Variants in KCNB2 observed in about 807,000 individuals in gnomAD.
KCNB2 encodes delayed rectifier potassium channel protein.
A neutral mutation model predicts 61.5 loss-of-function variants in KCNB2; 15 were observed. The observed-to-expected ratio is 0.24, with a 90% CI of 0.16 to 0.38. KCNB2 has a LOEUF of 0.38. Ranked by LOEUF, KCNB2 falls within the 10% of genes least tolerant of loss-of-function variation. The pLI is 1.00. For synonymous variants in KCNB2, 457 were observed against 446.0 expected (o/e 1.02, Z -0.31); for missense variants, 828 against 1,125.2 (o/e 0.74, Z 3.78).
rs377106789 is a variant in KCNB2 at position 72,794,426 on chromosome 8, G to A, written c.580-141509G>A. On this transcript the variant is annotated intron_variant, in intron 2 of 2. Transcript: ENST00000523207. ...CTAAAATACAAAAAATTAGCCGGGCGTGGTGGCACGTGCCTGTAATCCCAG... is the reference window on the plus strand; with the variant it reads ...CTAAAATACAAAAAATTAGCCGGGCATGGTGGCACGTGCCTGTAATCCCAG... Among the ~76,000 whole-genome samples the A allele has an allele frequency of 6.8e-4, 103 of 151,940 alleles. 1 individual carries two copies. Among genetic ancestry groups the A allele is most frequent in the South Asian group, 1.5e-3 (7 of 4,796 alleles).
intron 2 of KCNB2, among the ~76,000 whole-genome samples, chr8:72,714,337 C>T (rs2128992116): frequency 6.6e-6 from 1 of 152,024 alleles, no homozygotes; most frequent in Admixed American, 6.6e-5. Context: ...TCGAGAAGAG[C>T]AACTCCAAGA....
intron 2 of KCNB2, among the ~76,000 whole-genome samples, chr8:72,871,402 T>C (rs551248990): frequency 6.6e-6 from 1 of 152,170 alleles, no homozygotes; most frequent in Admixed American, 6.6e-5. Flanking sequence ...GTGAAAAGCA[T>C]TATAAAGACA....
At chr8:72,596,777 A>G (rs1272928717) in intron 2 of KCNB2, among the ~76,000 whole-genome samples, 1 of 152,192 alleles carries the variant, frequency 6.6e-6, no homozygotes, top group African/African-American at 2.4e-5. Context: ...GGGCTAAAAA[A>G]TCATCTTCCA....
At chr8:72,804,996 T>C (rs1283604185) in intron 2 of KCNB2, among the ~76,000 whole-genome samples, 1 of 152,140 alleles carries the variant, frequency 6.6e-6, no homozygotes, top group African/African-American at 2.4e-5. Context: ...AGATGAGACA[T>C]GGCTGCGACT....
chr8:72,752,752 T>C (rs1041066067), intron 2 of KCNB2, among the ~76,000 whole-genome samples: 2 of 152,194 alleles, frequency 1.3e-5, no homozygotes, highest in Non-Finnish European at 2.9e-5. Flanking sequence ...ATTGGTCTGC[T>C]CTCTGGAGAA....
intron 2 of KCNB2, among the ~76,000 whole-genome samples, chr8:72,611,007 C>T (rs920372913): frequency 6.6e-6 from 1 of 152,082 alleles, no homozygotes; most frequent in African/African-American, 2.4e-5. Flanking sequence ...TTATCACTGA[C>T]CTGATGAAAA....
intron 2 of KCNB2, among the ~76,000 whole-genome samples, chr8:72,641,498 C>A (rs1242536852): frequency 6.6e-6 from 1 of 152,074 alleles, no homozygotes; most frequent in East Asian, 1.9e-4. Flanking sequence ...ACTAAGGCTT[C>A]CAGTCCTTTT....
intron 2 of KCNB2, among the ~76,000 whole-genome samples, chr8:72,778,592 G>A (rs926629956): frequency 1.3e-5 from 2 of 151,154 alleles, no homozygotes; most frequent in East Asian, 3.9e-4. Flanking sequence ...AAAATTTACT[G>A]GGTGTGATGG....
chr8:72,789,639 T>C (rs574814484), intron 2 of KCNB2, among the ~76,000 whole-genome samples: 1 of 152,116 alleles, frequency 6.6e-6, no homozygotes, highest in Non-Finnish European at 1.5e-5. Flanking sequence ...GAGAGGACCA[T>C]GCTTTATCCT....
chr8:72,615,931 A>G (rs1452266922), intron 2 of KCNB2, among the ~76,000 whole-genome samples: 2 of 152,208 alleles, frequency 1.3e-5, no homozygotes, highest in Non-Finnish European at 2.9e-5. Context: ...TGAACAAAAG[A>G]TAATTTAAGT....
chr8:72,573,842 G>A (rs958333236), intron 2 of KCNB2, among the ~76,000 whole-genome samples: 1 of 152,166 alleles, frequency 6.6e-6, no homozygotes, highest in African/African-American at 2.4e-5. Context: ...ATTCTTATCT[G>A]CAGTGGGCTA....
intron 2 of KCNB2, among the ~76,000 whole-genome samples, chr8:72,635,019 A>G (rs1337970615): frequency 6.6e-6 from 1 of 152,176 alleles, no homozygotes; most frequent in Non-Finnish European, 1.5e-5. Flanking sequence ...AAATTTTAGC[A>G]TTTGTGTAAC....
chr8:72,855,334 A>G (rs1810189745), intron 2 of KCNB2, among the ~76,000 whole-genome samples: 1 of 152,122 alleles, frequency 6.6e-6, no homozygotes, highest in Non-Finnish European at 1.5e-5. Flanking sequence ...TTCCTGTATC[A>G]TTAAATCTGA....
intron 2 of KCNB2, among the ~76,000 whole-genome samples, chr8:72,572,376 C>T (rs1806723991): frequency 6.6e-6 from 1 of 152,150 alleles, no homozygotes; most frequent in African/African-American, 2.4e-5. Context: ...TCTGCGGAAA[C>T]ACATTTCTAT....
chr8:72,907,789 A>G (rs574552045), intron 2 of KCNB2, among the ~76,000 whole-genome samples: 4 of 152,156 alleles, frequency 2.6e-5, no homozygotes, highest in Non-Finnish European at 5.9e-5. Context: ...TGGCCTCCCT[A>G]CTGTCTGTGA....
rs78143664 is a variant in KCNB2, at chr8:72,813,330, CT to C, written c.580-122595del. On this transcript the variant is annotated intron_variant, in intron 2 of 2. Transcript: ENST00000523207. ...TGAAGTTCCTGTTGTAGTCTGAAGACTTTTTTTTTTCAATTAGAAACATCGT... is the reference window on the plus strand; with the variant it reads ...TGAAGTTCCTGTTGTAGTCTGAAGACTTTTTTTTTCAATTAGAAACATCGT... Among the ~76,000 whole-genome samples, 146 of 149,562 alleles carry C rather than the reference CT, an allele frequency of 9.8e-4. 1 individual carries two copies. The highest frequency in any genetic ancestry group is 2.7e-3 in the African/African-American group (108 of 40,722).
chr8:72,871,646 A>G (rs961220939), intron 2 of KCNB2, among the ~76,000 whole-genome samples: 1 of 152,186 alleles, frequency 6.6e-6, no homozygotes, highest in Non-Finnish European at 1.5e-5. Flanking sequence ...CCAATCTTAC[A>G]ATAATATCTC....
At chr8:72,763,878 G>A (rs1226926807) in intron 2 of KCNB2, among the ~76,000 whole-genome samples, 1 of 152,202 alleles carries the variant, frequency 6.6e-6, no homozygotes, top group Non-Finnish European at 1.5e-5. Flanking sequence ...CCCAGAGGAG[G>A]AGACCCTGGG....
intron 2 of KCNB2, among the ~76,000 whole-genome samples, chr8:72,911,500 C>G (rs1246916220): frequency 4.6e-5 from 7 of 152,196 alleles, no homozygotes; most frequent in Non-Finnish European, 1.0e-4. Context: ...AGTGAGGCAC[C>G]AAATGAATCG....
Sources: gnomAD v4.1 joint callset for allele counts (sites outside exome capture counted in the v4.1 genomes callset) on GRCh38, gnomAD v4.1.1 for gene constraint, MANE v1.5 for transcripts, NCBI Gene and HGNC (gene_info 2026-07-23, HGNC 2026-07-21) for gene names.